The following GPC5 variants were observed in gnomAD, a reference collection of about 807,000 sequenced individuals.
GPC5 encodes the protein glypican 5.
Under a neutral mutation model 53.9 loss-of-function variants are expected in GPC5, and 47 were observed. The observed-to-expected ratio is 0.87, with a 90% CI of 0.69 to 1.11. The LOEUF (loss-of-function observed/expected upper bound fraction) is 1.11, where lower values mean the gene tolerates loss of function less well. Among genes scored for constraint, GPC5 ranks in the 50% most tolerant of loss-of-function variants. GPC5 has a pLI of 0.00. For synonymous variants in GPC5, 286 were observed against 263.3 expected, an observed-to-expected ratio of 1.09 and a Z score of -0.84; for missense variants, 748 against 713.1, an observed-to-expected ratio of 1.05 and a Z score of -0.56.
intron 6 of GPC5, 61 bp from the exon 7 acceptor site, chr13:92,144,769 A>G: frequency 1.3e-6 from 2 of 1,492,796 alleles, no homozygotes; most frequent in Non-Finnish European, 1.8e-6. Context: ...AGTTTTCTGA[A>G]TAGAATTCTT....
intron 7 of GPC5, among the ~76,000 whole-genome samples, chr13:92,835,553 A>G (rs1258552183): frequency 6.6e-6 from 1 of 152,038 alleles, no homozygotes. Context: ...CTATTATTGT[A>G]TCATAATTTA....
intron 7 of GPC5, chr13:92,510,089 AT>A (rs1479244890): frequency 6.6e-6 from 1 of 152,186 alleles, no homozygotes; most frequent in Non-Finnish European, 1.5e-5. Context: ...AACCAATACT[AT>A]TTTTGATATA....
chr13:91,836,899 A>G (rs1260154219), intron 5 of GPC5, among the ~76,000 whole-genome samples: 2 of 151,424 alleles, frequency 1.3e-5, no homozygotes, highest in Non-Finnish European at 3.0e-5. Context: ...ATGGCAGTTA[A>G]ATTGTTTGGT....
chr13:92,519,383 A>G (rs1258206971), intron 7 of GPC5, among the ~76,000 whole-genome samples: 6 of 152,104 alleles, frequency 3.9e-5, no homozygotes, highest in Non-Finnish European at 8.8e-5. Context: ...TGGAAGTAAA[A>G]CACTCCTCAG....
intron 7 of GPC5, among the ~76,000 whole-genome samples, chr13:92,776,431 G>A (rs895129978): frequency 2.6e-5 from 4 of 152,062 alleles, no homozygotes; most frequent in African/African-American, 9.7e-5. Flanking sequence ...GGGCCCACCC[G>A]GATAATTCAG....
intron 5 of GPC5, among the ~76,000 whole-genome samples, chr13:91,775,805 G>A (rs193097429): frequency 2.6e-5 from 4 of 152,266 alleles, no homozygotes; most frequent in Non-Finnish European, 5.9e-5. Context: ...TACTCCATGA[G>A]TGAGTGTCCC....
chr13:92,513,921 C>A (rs1299592631), intron 7 of GPC5, among the ~76,000 whole-genome samples: 1 of 152,060 alleles, frequency 6.6e-6, no homozygotes, highest in Non-Finnish European at 1.5e-5. Flanking sequence ...CATGTTGGCA[C>A]TCAAAAAGTT....
chr13:92,862,773 A>G (rs1320719629), intron 7 of GPC5, among the ~76,000 whole-genome samples: 1 of 152,206 alleles, frequency 6.6e-6, no homozygotes, highest in Non-Finnish European at 1.5e-5. Context: ...GATTTTATAA[A>G]TGAACGAGCA....
intron 1 of GPC5, among the ~76,000 whole-genome samples, chr13:91,413,906 C>T (rs1435132324): frequency 6.6e-6 from 1 of 152,170 alleles, no homozygotes; most frequent in African/African-American, 2.4e-5. Flanking sequence ...AACTTCAGAG[C>T]CAGGAATTAT....
intron 2 of GPC5, among the ~76,000 whole-genome samples, chr13:91,570,994 C>G (rs1046899485): frequency 1.3e-5 from 2 of 151,944 alleles, no homozygotes; most frequent in African/African-American, 4.8e-5. Context: ...TTTTGTTTTC[C>G]TGGTTGATTT....
At chr13:91,618,695 G>A (rs1847507668) in intron 2 of GPC5, among the ~76,000 whole-genome samples, 1 of 151,554 alleles carries the variant, frequency 6.6e-6, no homozygotes, top group South Asian at 2.1e-4. Flanking sequence ...GGGCTTCATT[G>A]TTTAAGTTTG....
chr13:91,990,313 A>T (rs1190591094), intron 6 of GPC5, among the ~76,000 whole-genome samples: 1 of 152,210 alleles, frequency 6.6e-6, no homozygotes, highest in East Asian at 1.9e-4. Context: ...TGGGTTTGAA[A>T]CAACCCAAAG....
At chr13:91,880,491 T>G (rs2039252450) in intron 5 of GPC5, among the ~76,000 whole-genome samples, 1 of 152,148 alleles carries the variant, frequency 6.6e-6, no homozygotes, top group African/African-American at 2.4e-5. Flanking sequence ...GCTGTACCAT[T>G]TTGAAGTTCT....
intron 7 of GPC5, among the ~76,000 whole-genome samples, chr13:92,664,582 G>A (rs4459436): frequency 0.24 from 36,185 of 151,994 alleles, 5,003 homozygotes; most frequent in South Asian, 0.39. Context: ...TAATCAATAT[G>A]CATGTGAAAA....
At chr13:91,603,231 A>G (rs749508115) in intron 2 of GPC5, among the ~76,000 whole-genome samples, 4 of 152,208 alleles carry the variant, frequency 2.6e-5, no homozygotes, top group Non-Finnish European at 4.4e-5. Context: ...TGGCAGGAAG[A>G]AAGGCTGAAT....
Position 91,514,956 on chromosome 13 carries a change from G to A in GPC5, c.325+66034G>A, listed in dbSNP as rs370172900. ...TATATCTGCGCTATTTAAAACCATAGCCACTAGCCTCATGGAATCATTTAC... is the reference window on the plus strand; with the variant it reads ...TATATCTGCGCTATTTAAAACCATAACCACTAGCCTCATGGAATCATTTAC... On this transcript the variant is annotated intron_variant, in intron 2 of 7. Coordinates refer to ENST00000377067, the MANE Select transcript of GPC5 (RefSeq NM_004466.6). Among the ~76,000 whole-genome samples the A allele has an allele frequency of 1.2e-4, 19 of 152,238 alleles. No individual in the cohort carries two copies. In the East Asian group the frequency reaches 3.3e-3, roughly 26 times the overall value.
chr13:92,313,151 G>A (rs1255097701), intron 7 of GPC5, among the ~76,000 whole-genome samples: 1 of 152,158 alleles, frequency 6.6e-6, no homozygotes, highest in Non-Finnish European at 1.5e-5. Flanking sequence ...AATGTTTTAT[G>A]GCCAAAGAAA....
At position 91,714,378 on chromosome 13, in the gene GPC5, C is replaced by A. The variant is rs56725302; in HGVS notation, c.1021-14154C>A. ...ATACATTAGGATACAATCACACACA[C>A]ACACCGTGGAAGATTATGCAAGGTT... On this transcript the variant is annotated intron_variant, in intron 3 of 7. Coordinates refer to ENST00000377067, the MANE Select transcript of GPC5 (RefSeq NM_004466.6). Among the ~76,000 whole-genome samples, 206 of 152,298 alleles carry A rather than the reference C, an allele frequency of 1.4e-3. 1 individual carries two copies. Among genetic ancestry groups the A allele is most frequent in the African/African-American group, 4.7e-3 (194 of 41,560 alleles).
At chr13:92,691,664 GTAATT>G (rs980284058) in intron 7 of GPC5, among the ~76,000 whole-genome samples, 8 of 151,962 alleles carry the variant, frequency 5.3e-5, no homozygotes, top group Non-Finnish European at 1.0e-4. Context: ...GAAAAATAAT[GTAATT>G]TAATATTAAA....
Sources: gnomAD v4.1 joint callset for allele counts (sites outside exome capture counted in the v4.1 genomes callset) on GRCh38, gnomAD v4.1.1 for gene constraint, MANE v1.5 for transcripts, NCBI Gene and HGNC (gene_info 2026-07-23, HGNC 2026-07-21) for gene names.